Variants in COL4A2 observed in about 807,000 individuals in gnomAD.
The protein encoded by COL4A2 is collagen alpha-2(IV) chain.
Under a neutral mutation model 200.2 loss-of-function variants are expected in COL4A2, and 99 were observed. That is an observed-to-expected ratio of 0.49 (90% CI 0.42 to 0.58). The LOEUF (loss-of-function observed/expected upper bound fraction) is 0.58. Ranked by LOEUF, COL4A2 falls within the 20% of genes least tolerant of loss-of-function variation. The pLI is 0.00. For synonymous variants in COL4A2, 897 were observed against 900.6 expected (o/e 1.00, Z 0.07); for missense variants, 1,950 against 2,314.1 (o/e 0.84, Z 3.23).
At chr13:110,332,501 G>A (rs982033557) in intron 3 of COL4A2, among the ~76,000 whole-genome samples, 2 of 152,180 alleles carry the variant, frequency 1.3e-5, no homozygotes, top group Non-Finnish European at 2.9e-5. Flanking sequence ...AGACAGGACG[G>A]CTCCCACACA....
intron 3 of COL4A2, among the ~76,000 whole-genome samples, chr13:110,312,536 A>G (rs61964283): frequency 0.1 from 15,816 of 152,264 alleles, 988 homozygotes; most frequent in Middle Eastern, 0.18. Context: ...TAACTTTTCA[A>G]CCCTGTGTTG....
In COL4A2 at chr13:110,472,276, T is replaced by C. The variant is rs371798144; in HGVS notation, c.2204-653T>C. The stretch of plus-strand genomic sequence containing the variant: ...GACTACAGGCATCCGCCACCACACC[T>C]GGCTAATTTTTTGTATTTTTAGTAG... On this transcript the variant is annotated intron_variant, in intron 28 of 47. Transcript: ENST00000360467. Among the ~76,000 whole-genome samples the C allele has an allele frequency of 3.1e-3, 473 of 152,018 alleles. 2 individuals are homozygous for C. Among genetic ancestry groups the C allele is most frequent in the Middle Eastern group, 6.8e-3 (2 of 294 alleles).
chr13:110,402,590 C>T (rs1364533252), intron 4 of COL4A2, among the ~76,000 whole-genome samples: 1 of 152,236 alleles, frequency 6.6e-6, no homozygotes, highest in East Asian at 1.9e-4. Context: ...GGGGCAGCCC[C>T]ACTCCCACAC....
At chr13:110,380,396 A>T (rs1368231039) in intron 4 of COL4A2, among the ~76,000 whole-genome samples, 1 of 152,220 alleles carries the variant, frequency 6.6e-6, no homozygotes, top group Non-Finnish European at 1.5e-5. Flanking sequence ...CCTAATGCAT[A>T]GTAACTATAA....
intron 3 of COL4A2, among the ~76,000 whole-genome samples, chr13:110,327,561 A>T (rs974522798): frequency 3.3e-5 from 5 of 152,198 alleles, no homozygotes; most frequent in Admixed American, 6.5e-5. Flanking sequence ...ATAGTCCCAG[A>T]TGGTTTTTAA....
At chr13:110,457,520 C>A in intron 21 of COL4A2, 85 bp downstream of exon 21, 1 of 811,274 alleles carries the variant, frequency 1.2e-6, no homozygotes. Context: ...CCATCCCCCA[C>A]TCACGTGTTT....
chr13:110,311,457 G>A (rs1276713999), intron 3 of COL4A2, among the ~76,000 whole-genome samples: 1 of 152,198 alleles, frequency 6.6e-6, no homozygotes, highest in East Asian at 1.9e-4. Flanking sequence ...GCAGCTGAGG[G>A]GCTGCCGCCT....
In COL4A2 at chr13:110,450,427, G is replaced by A. The variant is rs1266666247; in HGVS notation, c.1312G>A (p.Gly438Arg). 1.9e-6 allele frequency: 3 copies of A among 1,613,776 alleles called. No homozygotes were observed. The highest frequency in any genetic ancestry group is 2.5e-6 in the Non-Finnish European group (3 of 1,179,960). ...AAAGCGAGGGCCTCCAGGACCCCCC[G>A]GGCTCCCTGGACCACCTGGACCTGA... is the stretch of plus-strand genomic sequence containing the variant. The part of the protein sequence containing the change: ...DGKRGPPGPP[G>R]LPGPPGPDGF... Residue 438 changes from glycine to arginine, a missense_variant, in exon 20 of 48, where the codon GGG (glycine) becomes AGG (arginine). Around this residue, in one of 2 missense-constraint regions of COL4A2, gnomAD observed 565 missense variants for 593.5 expected, o/e 0.95. Transcript: ENST00000360467.
chr13:110,343,493 T>A (rs1177082065), intron 3 of COL4A2, among the ~76,000 whole-genome samples: 1 of 152,196 alleles, frequency 6.6e-6, no homozygotes, highest in African/African-American at 2.4e-5. Flanking sequence ...CTTGGCAGCG[T>A]ACCTCCAGGA....
At chr13:110,352,640 T>A (rs1877013702) in intron 3 of COL4A2, among the ~76,000 whole-genome samples, 1 of 152,182 alleles carries the variant, frequency 6.6e-6, no homozygotes, top group East Asian at 1.9e-4. Flanking sequence ...GGATGTGAGG[T>A]GTCCTCTCAC....
chr13:110,434,575 G>T, intron 12 of COL4A2, 133 bp downstream of exon 12: 1 of 883,418 alleles, frequency 1.1e-6, no homozygotes, highest in Non-Finnish European at 1.8e-6. Flanking sequence ...CATTTGCATA[G>T]GGAAATAATC....
At chr13:110,422,845 T>G (rs1880307157) in intron 4 of COL4A2, among the ~76,000 whole-genome samples, 1 of 152,156 alleles carries the variant, frequency 6.6e-6, no homozygotes, top group Admixed American at 6.5e-5. Flanking sequence ...CCCACACCCC[T>G]CCATGCTACT....
chr13:110,449,095 G>T (rs571371010), intron 18 of COL4A2, among the ~76,000 whole-genome samples: 1 of 152,366 alleles, frequency 6.6e-6, no homozygotes, highest in South Asian at 2.1e-4. Flanking sequence ...AAGACGACAT[G>T]CAGAGTGAAA....
intron 40 of COL4A2, among the ~76,000 whole-genome samples, 187 bp downstream of exon 40, chr13:110,495,654 T>C (rs1883431878): frequency 6.6e-6 from 1 of 152,184 alleles, no homozygotes; most frequent in Non-Finnish European, 1.5e-5. Flanking sequence ...CAATTTATTT[T>C]ATCCCATCAG....
At chr13:110,428,618 G>C (rs761937453) in intron 7 of COL4A2, 35 bp downstream of exon 7, 1 of 1,253,506 alleles carries the variant, frequency 8.0e-7, no homozygotes, top group Non-Finnish European at 1.1e-6. Flanking sequence ...CTCCAGGGAC[G>C]GGCAGACCCC....
intron 3 of COL4A2, among the ~76,000 whole-genome samples, chr13:110,328,210 T>C (rs1875719489): frequency 6.6e-6 from 1 of 152,238 alleles, no homozygotes; most frequent in Admixed American, 6.5e-5. Flanking sequence ...TCTTGATAAA[T>C]ATTACGAATT....
At chr13:110,310,218 G>T (rs937488559) in intron 3 of COL4A2, among the ~76,000 whole-genome samples, 1 of 152,164 alleles carries the variant, frequency 6.6e-6, no homozygotes, top group Non-Finnish European at 1.5e-5. Context: ...CAAGAACATT[G>T]ATTGCCCAGC....
intron 45 of COL4A2, among the ~76,000 whole-genome samples, chr13:110,505,087 A>T (rs1262617797): frequency 6.6e-6 from 1 of 151,250 alleles, no homozygotes; most frequent in Non-Finnish European, 1.5e-5. Flanking sequence ...GCGGTGGCTC[A>T]CGCCTGTAAT....
chr13:110,472,936 A>G lies in COL4A2; in HGVS notation c.2211A>G (p.Ile737Met), dbSNP rs1020490248. The part of the protein sequence containing the change: ...REGFPGPPGF[I>M]GPRGSKGAVG... ...ACCCATGTTTCCTTTTAGGGTTCAT[A>G]GGACCCCGAGGATCCAAAGGTGCAG... The change falls in exon 29 of 48, where the codon ATA becomes ATG. Residue 737 changes from isoleucine to methionine, a missense_variant. By Grantham distance (10) the Ile-to-Met change is conservative (BLOSUM62 1). Around this residue, in one of 2 missense-constraint regions of COL4A2, gnomAD observed 1,385 missense variants for 1,720.5 expected, o/e 0.80. Coordinates refer to ENST00000360467, the MANE Select transcript of COL4A2 (RefSeq NM_001846.4). The G allele has an allele frequency of 4.5e-6, 7 of 1,555,044 alleles. No individual in the cohort carries two copies. The highest frequency in any genetic ancestry group is 6.1e-6 in the Non-Finnish European group (7 of 1,149,168).
Sources: allele counts gnomAD v4.1 joint callset (sites outside exome capture counted in the v4.1 genomes callset), GRCh38; gene constraint gnomAD v4.1.1; regional missense constraint gnomAD v4.1.1; transcripts MANE v1.5; gene names NCBI Gene and HGNC (gene_info 2026-07-23, HGNC 2026-07-21).